Variants in COL21A1 observed in about 807,000 individuals in gnomAD.
COL21A1 encodes collagen type XXI alpha 1 chain.
In COL21A1, 149 loss-of-function variants were observed where a neutral mutation model predicts 137.9. The observed-to-expected ratio is 1.08, with a 90% CI of 0.95 to 1.24. The LOEUF (loss-of-function observed/expected upper bound fraction) is 1.24, where lower values mean the gene tolerates loss of function less well. Ranked by LOEUF, COL21A1 falls within the 50% of genes most tolerant of loss-of-function variation. The probability of loss-of-function intolerance (pLI) is 0.00; values close to 1 mark genes in which losing one functional copy is unlikely to be tolerated. For synonymous variants in COL21A1, 456 were observed against 391.5 expected (o/e 1.16, Z -1.95); for missense variants, 1,167 against 1,158.4 (o/e 1.01, Z -0.11).
chr6:56,147,293 G>A (rs1277908656), intron 10 of COL21A1, among the ~76,000 whole-genome samples: 1 of 151,692 alleles, frequency 6.6e-6, no homozygotes, highest in African/African-American at 2.4e-5. Flanking sequence ...TGTTGTGTGT[G>A]TGCATTTATT....
At chr6:56,321,310 TA>T (rs1344520704) in intron 1 of COL21A1, among the ~76,000 whole-genome samples, 2 of 152,070 alleles carry the variant, frequency 1.3e-5, no homozygotes, top group Non-Finnish European at 2.9e-5. Context: ...TTGCCCATTA[TA>T]AAAAAAATTG....
chr6:56,162,181 A>T (rs1448595204), intron 9 of COL21A1, among the ~76,000 whole-genome samples: 1 of 152,218 alleles, frequency 6.6e-6, no homozygotes, highest in Admixed American at 6.5e-5. Context: ...TGTTTTTTAC[A>T]TACAGGTCCA....
chr6:56,234,090 T>C (rs1362371129), intron 1 of COL21A1, among the ~76,000 whole-genome samples: 1 of 151,688 alleles, frequency 6.6e-6, no homozygotes, highest in Non-Finnish European at 1.5e-5. Context: ...CAAGAAAGCA[T>C]GGTAAAAACA....
At chr6:56,229,429 A>G (rs944579699) in intron 1 of COL21A1, among the ~76,000 whole-genome samples, 3 of 152,088 alleles carry the variant, frequency 2.0e-5, no homozygotes, top group South Asian at 2.1e-4. Context: ...TTAAACTTAC[A>G]TATGTTTTAG....
chr6:56,145,718 G>A (rs1321641713), intron 10 of COL21A1, among the ~76,000 whole-genome samples: 3 of 151,966 alleles, frequency 2.0e-5, no homozygotes, highest in Non-Finnish European at 4.4e-5. Context: ...ATCTTTGAGT[G>A]GTTAATACTG....
chr6:56,069,409 TAA>T (rs1244854380), intron 21 of COL21A1, among the ~76,000 whole-genome samples: 1 of 151,356 alleles, frequency 6.6e-6, no homozygotes, highest in African/African-American at 2.4e-5. Context: ...AACGAAATAA[TAA>T]AGTTGTAAAA....
intron 1 of COL21A1, among the ~76,000 whole-genome samples, chr6:56,252,984 A>G (rs891290531): frequency 4.2e-4 from 64 of 152,184 alleles, no homozygotes; most frequent in Admixed American, 4.2e-3. Context: ...AGCCTAATAC[A>G]CAATAGCTGT....
At chr6:56,098,298 CATATGTAA>C (rs1769823452) in intron 17 of COL21A1, among the ~76,000 whole-genome samples, 4 of 20,602 alleles carry the variant, frequency 1.9e-4, no homozygotes, top group Admixed American at 1.1e-3. Context: ...TATATAAATA[CATATGTAA>C]ATATATAAAT....
intron 1 of COL21A1, among the ~76,000 whole-genome samples, chr6:56,276,954 C>T (rs998750233): frequency 6.6e-6 from 1 of 150,538 alleles, no homozygotes; most frequent in African/African-American, 2.4e-5. Context: ...ACTACAGGCG[C>T]ATGCCGCCAC....
At chr6:56,220,097 C>T (rs3846923) in intron 1 of COL21A1, among the ~76,000 whole-genome samples, 99,443 of 151,988 alleles carry the variant, frequency 0.65, 32,979 homozygotes, top group East Asian at 0.86. Context: ...GCATTTATGC[C>T]TAACATATTT....
At chr6:56,115,659 C>T (rs1249144315) in intron 16 of COL21A1, among the ~76,000 whole-genome samples, 1 of 152,058 alleles carries the variant, frequency 6.6e-6, no homozygotes, top group Non-Finnish European at 1.5e-5. Flanking sequence ...AAAACATGAC[C>T]TCACCAAATC....
chr6:56,292,398 C>CCG (rs994611777), intron 1 of COL21A1, among the ~76,000 whole-genome samples: 5 of 138,866 alleles, frequency 3.6e-5, no homozygotes, highest in East Asian at 5.3e-4. Context: ...GGGACCCCCC[C>CCG]CCTCCCCCGC....
At chr6:56,167,998 T>C in intron 6 of COL21A1, 126 bp downstream of exon 6, 1 of 601,820 alleles carries the variant, frequency 1.7e-6, no homozygotes, top group Non-Finnish European at 2.6e-6. Context: ...ACTGACCACA[T>C]TTTGGTGAAC....
intron 1 of COL21A1, among the ~76,000 whole-genome samples, chr6:56,253,922 G>A (rs923851643): frequency 6.6e-6 from 1 of 152,136 alleles, no homozygotes; most frequent in Non-Finnish European, 1.5e-5. Context: ...ACTTCGGAAA[G>A]CATGTTCTTA....
rs1267780490 is a variant in COL21A1, at chr6:56,089,520, A to G, written c.1813-11947T>C. 2.6e-5 allele frequency among the ~76,000 whole-genome samples: 4 copies of G among 152,182 alleles called. No homozygotes were observed. The South Asian group carries it at 6.2e-4, about 24-fold the overall frequency. On this transcript the variant is annotated intron_variant, in intron 17 of 29. Coordinates refer to ENST00000244728, the MANE Select transcript of COL21A1 (RefSeq NM_030820.4). ...TAAAACTGTCAAAACGTTCCAAAAA[A>G]ATTTTTCACTATATGTATTGAAAAA...
intron 1 of COL21A1, among the ~76,000 whole-genome samples, chr6:56,289,114 C>T (rs111770684): frequency 6.6e-6 from 1 of 152,192 alleles, no homozygotes; most frequent in African/African-American, 2.4e-5. Context: ...TAACAAAGCT[C>T]CTGACACAGT....
intron 21 of COL21A1, among the ~76,000 whole-genome samples, chr6:56,070,502 A>C (rs7744275): frequency 0.014 from 2,183 of 151,670 alleles, 47 homozygotes; most frequent in African/African-American, 0.05. Context: ...GTTTGCCTAC[A>C]ATTTTACAAT....
At chr6:56,211,144 AT>A (rs1780132428) in intron 1 of COL21A1, among the ~76,000 whole-genome samples, 1 of 136,634 alleles carries the variant, frequency 7.3e-6, no homozygotes, top group Non-Finnish European at 1.6e-5. Flanking sequence ...CAAATTCTAT[AT>A]TTGTGTAAAT....
At position 56,060,980 on chromosome 6, in the gene COL21A1, C is replaced by T. The variant is rs960997927; in HGVS notation, c.2263G>A (p.Gly755Arg). 6.2e-7 allele frequency: 1 copy of T among 1,608,590 alleles called. No homozygotes were observed. The highest frequency in any genetic ancestry group is 1.3e-5 in the African/African-American group (1 of 74,504). Reference protein sequence around the residue: ...RGAIGSKGESGVDGLMGPAGP... With the variant: ...RGAIGSKGESRVDGLMGPAGP... Reference sequence around the variant, plus strand: ...GCGGGCCCCATCAAGCCATCCACCCCAGATTCTCCTTTTGATCCAATGGCA... The same window carrying T: ...GCGGGCCCCATCAAGCCATCCACCCTAGATTCTCCTTTTGATCCAATGGCA... Residue 755 changes from glycine to arginine, a missense_variant, in exon 26 of 30, where the codon GGG (glycine) becomes AGG (arginine). Gly to Arg is a moderately radical substitution (Grantham distance 125). Transcript: ENST00000244728.
Sources: gnomAD v4.1 joint callset for allele counts (sites outside exome capture counted in the v4.1 genomes callset) on GRCh38, gnomAD v4.1.1 for gene constraint, MANE v1.5 for transcripts, NCBI Gene and HGNC (gene_info 2026-07-23, HGNC 2026-07-21) for gene names.